Variants in NPAS2 observed in about 807,000 individuals in gnomAD.
NPAS2 encodes neuronal PAS domain protein 2.
NPAS2 carries 23 observed loss-of-function variants against 107.5 expected under a neutral mutation model. The ratio of observed to expected loss-of-function variants is 0.21; its 90% CI spans 0.15 to 0.30. The LOEUF (loss-of-function observed/expected upper bound fraction) is 0.30, where lower values mean the gene tolerates loss of function less well. Among genes scored for constraint, NPAS2 ranks in the 10% least tolerant of loss-of-function variants. NPAS2 has a pLI of 1.00. For synonymous variants in NPAS2, 403 were observed against 417.5 expected, an observed-to-expected ratio of 0.97 and a Z score of 0.42; for missense variants, 756 against 1,043.3, an observed-to-expected ratio of 0.72 and a Z score of 3.79.
At chr2:100,879,325 G>A (rs1265262697) in intron 1 of NPAS2, among the ~76,000 whole-genome samples, 1 of 152,102 alleles carries the variant, frequency 6.6e-6, no homozygotes, top group Admixed American at 6.6e-5. Flanking sequence ...TATCCATCAT[G>A]TTACAGTTAC....
intron 15 of NPAS2, among the ~76,000 whole-genome samples, 193 bp downstream of exon 15, chr2:100,977,992 T>C (rs9679638): frequency 0.21 from 32,703 of 152,172 alleles, 3,701 homozygotes; most frequent in East Asian, 0.29. Flanking sequence ...AGTTCTTTTT[T>C]CCAGTGTCTG....
intron 7 of NPAS2, among the ~76,000 whole-genome samples, chr2:100,962,549 T>C (rs1341340472): frequency 6.6e-6 from 1 of 152,166 alleles, no homozygotes; most frequent in East Asian, 1.9e-4. Flanking sequence ...AGAAGGCCAG[T>C]GCCTGGGCTT....
chr2:100,988,521 T>G, intron 17 of NPAS2: 1 of 515,224 alleles, frequency 1.9e-6, no homozygotes. Flanking sequence ...CTTGCTCTCG[T>G]GCTTAAAGAT....
chr2:100,868,514 A>G (rs1408882793), intron 1 of NPAS2, among the ~76,000 whole-genome samples: 1 of 152,202 alleles, frequency 6.6e-6, no homozygotes, highest in Non-Finnish European at 1.5e-5. Context: ...GGCTTCCTGA[A>G]TCTAAGAATT....
upstream of NPAS2, among the ~76,000 whole-genome samples, chr2:100,819,704 C>A (rs906105957): frequency 4.0e-5 from 6 of 151,770 alleles, no homozygotes; most frequent in Non-Finnish European, 7.4e-5. The surrounding 1 kb of genome is among the most constrained non-coding windows in gnomAD (Gnocchi z 5.8). Flanking sequence ...ATTCCTTGTT[C>A]CCCCCGAGTG....
chr2:100,879,946 A>G (rs990871095), intron 1 of NPAS2, among the ~76,000 whole-genome samples: 1 of 152,194 alleles, frequency 6.6e-6, no homozygotes, highest in Non-Finnish European at 1.5e-5. Context: ...CCACTTCTGA[A>G]AACCACATTT....
At chr2:100,919,415 C>T (rs1683086403) in intron 2 of NPAS2, among the ~76,000 whole-genome samples, 1 of 152,208 alleles carries the variant, frequency 6.6e-6, no homozygotes, top group African/African-American at 2.4e-5. Context: ...TTAAAGCACC[C>T]ACCGTCAGCG....
chr2:100,840,222 G>A (rs951351322), intron 1 of NPAS2, among the ~76,000 whole-genome samples: 1 of 152,150 alleles, frequency 6.6e-6, no homozygotes, highest in Non-Finnish European at 1.5e-5. Context: ...TCTGGGCTCT[G>A]ACAGAGACTC....
chr2:100,974,619 T>C (rs1676839908), intron 12 of NPAS2, among the ~76,000 whole-genome samples, 184 bp from the exon 13 acceptor site: 1 of 152,276 alleles, frequency 6.6e-6, no homozygotes, highest in African/African-American at 2.4e-5. Flanking sequence ...TGCAAGCCTC[T>C]CTGAGGCTTT....
chr2:100,963,809 G>T (rs1676056098), intron 7 of NPAS2, among the ~76,000 whole-genome samples: 1 of 152,220 alleles, frequency 6.6e-6, no homozygotes, highest in South Asian at 2.1e-4. Flanking sequence ...GACCAGCATG[G>T]GCTCAAATCC....
intron 10 of NPAS2, among the ~76,000 whole-genome samples, chr2:100,966,861 T>G (rs1160719671): frequency 1.3e-5 from 2 of 152,158 alleles, no homozygotes; most frequent in African/African-American, 2.4e-5. Context: ...CCTCCCAAAA[T>G]GCTTGGATTA....
At chr2:100,935,085 CCT>C (rs935124701) in intron 4 of NPAS2, 42 of 982,450 alleles carry the variant, frequency 4.3e-5, no homozygotes, top group African/African-American at 1.8e-5. Context: ...ACAAAATTGA[CCT>C]GGCTGAAAAA....
chr2:100,944,495 T>C (rs1322471399), intron 5 of NPAS2, among the ~76,000 whole-genome samples: 3 of 152,140 alleles, frequency 2.0e-5, no homozygotes, highest in African/African-American at 7.2e-5. Context: ...AAGACGGCTG[T>C]GGATGGCACA....
chr2:100,876,134 A>T (rs772403376), intron 1 of NPAS2, among the ~76,000 whole-genome samples: 1 of 152,076 alleles, frequency 6.6e-6, no homozygotes, highest in Non-Finnish European at 1.5e-5. Context: ...CTGACATCAG[A>T]CAGAGACTTC....
rs1681581178 is a variant in NPAS2, at chr2:100,898,741, C to T, written c.-22-5992C>T. Among the ~76,000 whole-genome samples the T allele has an allele frequency of 2.7e-5, 4 of 149,186 alleles. No individual in the cohort carries two copies. The South Asian group carries it at 8.5e-4, about 32-fold the overall frequency. On this transcript the variant is annotated intron_variant, in intron 1 of 20. Transcript: ENST00000335681. Reference sequence around the variant, plus strand: ...GCAAAAATCATATAATTTTTTTCAGCGTAATAATTGGATCTACCACTTTAA... The same window carrying T: ...GCAAAAATCATATAATTTTTTTCAGTGTAATAATTGGATCTACCACTTTAA...
intron 1 of NPAS2, among the ~76,000 whole-genome samples, chr2:100,842,081 G>GCGCGCACACACACA: frequency 1.3e-5 from 2 of 148,798 alleles, no homozygotes; most frequent in Non-Finnish European, 3.0e-5. Context: ...GCATGTACGC[G>GCGCGCACACACACA]CACACACACA....
At chr2:100,932,557 A>G (rs1329446481) in intron 3 of NPAS2, among the ~76,000 whole-genome samples, 3 of 151,248 alleles carry the variant, frequency 2.0e-5, no homozygotes, top group Non-Finnish European at 4.4e-5. Context: ...GTGTCACACC[A>G]TCCCAGTGTT....
chr2:100,930,622 A>AT (rs3835795), intron 3 of NPAS2, among the ~76,000 whole-genome samples: 63,374 of 151,898 alleles, frequency 0.42, 14,022 homozygotes, highest in East Asian at 0.68. Flanking sequence ...TATCTAACAT[A>AT]TTTTTTTAAT....
At chr2:100,897,435 C>G (rs1032447641) in intron 1 of NPAS2, among the ~76,000 whole-genome samples, 12 of 152,164 alleles carry the variant, frequency 7.9e-5, no homozygotes, top group African/African-American at 2.9e-4. Flanking sequence ...CACTCATGTT[C>G]AAAACCTCCA....
Sources: gnomAD v4.1 joint callset for allele counts (sites outside exome capture counted in the v4.1 genomes callset) on GRCh38, gnomAD v4.1.1 for gene constraint, Gnocchi (gnomAD v3.1) non-coding constraint, MANE v1.5 for transcripts, NCBI Gene and HGNC (gene_info 2026-07-23, HGNC 2026-07-21) for gene names.